Variants in PRSS3 observed in about 807,000 individuals in gnomAD.
PRSS3 encodes the protein serine protease 3.
A neutral mutation model predicts 20.8 loss-of-function variants in PRSS3; 14 were observed. The ratio of observed to expected loss-of-function variants is 0.67; its 90% CI spans 0.44 to 1.05. The LOEUF (loss-of-function observed/expected upper bound fraction) is 1.05, where lower values mean the gene tolerates loss of function less well. Among genes scored for constraint, PRSS3 ranks in the 50% least tolerant of loss-of-function variants. PRSS3 has a pLI of 0.00. For synonymous variants in PRSS3, 91 were observed against 117.6 expected (o/e 0.77, Z 1.46); for missense variants, 237 against 306.4 (o/e 0.77, Z 1.69).
intron 1 of PRSS3, among the ~76,000 whole-genome samples, chr9:33,777,531 CAAAA>C (rs74180503): frequency 2.9e-5 from 3 of 101,860 alleles, no homozygotes; most frequent in Middle Eastern, 6.3e-3. Context: ...CTAAAAATAC[CAAAA>C]AAAAAAAAAA....
intron 1 of PRSS3, among the ~76,000 whole-genome samples, chr9:33,752,681 G>A (rs570130728): frequency 9.9e-5 from 15 of 152,262 alleles, no homozygotes; most frequent in African/African-American, 3.4e-4. Flanking sequence ...CCCTCTCCCC[G>A]AAACCTTCAC....
At chr9:33,772,947 T>C (rs1460662527) in intron 1 of PRSS3, among the ~76,000 whole-genome samples, 1 of 152,192 alleles carries the variant, frequency 6.6e-6, no homozygotes, top group Non-Finnish European at 1.5e-5. Context: ...TCTGGACATC[T>C]CTTCTTTCAC....
At chr9:33,788,709 C>T (rs549150962) in intron 1 of PRSS3, among the ~76,000 whole-genome samples, 2 of 152,202 alleles carry the variant, frequency 1.3e-5, no homozygotes, top group Admixed American at 6.5e-5. Flanking sequence ...CCTCTCGGGG[C>T]CAAAACTTAA....
At chr9:33,769,540 G>A (rs1229309158) in intron 1 of PRSS3, among the ~76,000 whole-genome samples, 1 of 152,206 alleles carries the variant, frequency 6.6e-6, no homozygotes, top group African/African-American at 2.4e-5. Context: ...AGAAATGAAG[G>A]AAGATTCTCA....
At chr9:33,792,135 A>G (rs1305382141), upstream of PRSS3, among the ~76,000 whole-genome samples, 2 of 152,236 alleles carry the variant, frequency 1.3e-5, no homozygotes, top group Non-Finnish European at 2.9e-5. Context: ...CTTATTGGAT[A>G]AAGCGAAATT....
At chr9:33,771,272 G>A (rs1197422302) in intron 1 of PRSS3, among the ~76,000 whole-genome samples, 1 of 151,836 alleles carries the variant, frequency 6.6e-6, no homozygotes, top group East Asian at 1.9e-4. Flanking sequence ...TGTAGATGGG[G>A]CTGGGGAAGG....
rs34542469 is a variant in PRSS3, at chr9:33,766,962, A to AT, written c.-53+16248dup. ...TTATGGTATGTAAATTACATGGTGGATTTTTTTTTTTTTAAGTAGAAGAGT... is the reference window on the plus strand; with the variant it reads ...TTATGGTATGTAAATTACATGGTGGATTTTTTTTTTTTTTAAGTAGAAGAGT... On this transcript the variant is annotated intron_variant, in intron 1 of 5. Coordinates refer to the PRSS3 transcript ENST00000342836. Among the ~76,000 whole-genome samples, 295 of 148,100 alleles carry AT rather than the reference A, an allele frequency of 2.0e-3. 2 individuals are homozygous for AT. Among genetic ancestry groups the AT allele is most frequent in the African/African-American group, 5.2e-3 (212 of 40,528 alleles).
At chr9:33,762,817 T>G (rs1296821817) in intron 1 of PRSS3, among the ~76,000 whole-genome samples, 1 of 152,308 alleles carries the variant, frequency 6.6e-6, no homozygotes, top group African/African-American at 2.4e-5. Context: ...TCAAAATATA[T>G]TCTTCCAGGA....
At chr9:33,779,453 A>G (rs1419698511) in intron 1 of PRSS3, among the ~76,000 whole-genome samples, 1 of 152,214 alleles carries the variant, frequency 6.6e-6, no homozygotes, top group African/African-American at 2.4e-5. Context: ...ATTCTGCTGT[A>G]AATTCTGCTG....
At chr9:33,792,418 C>T (rs1023217396), upstream of PRSS3, among the ~76,000 whole-genome samples, 1 of 152,182 alleles carries the variant, frequency 6.6e-6, no homozygotes. Context: ...TGAAGAGGAA[C>T]AAACTTTGTC....
intron 1 of PRSS3, among the ~76,000 whole-genome samples, chr9:33,765,515 C>T (rs2178824): frequency 0.32 from 48,043 of 152,000 alleles, 8,532 homozygotes; most frequent in East Asian, 0.57. Flanking sequence ...GCCAGCATCG[C>T]TACTTTTTCA....
At chr9:33,787,499 T>C (rs1190625846) in intron 1 of PRSS3, among the ~76,000 whole-genome samples, 1 of 152,124 alleles carries the variant, frequency 6.6e-6, no homozygotes, top group Non-Finnish European at 1.5e-5. Context: ...GAGAAAGAGA[T>C]GCAATGCTTA....
chr9:33,751,379 G>C (rs1288104067), intron 1 of PRSS3, among the ~76,000 whole-genome samples: 1 of 152,328 alleles, frequency 6.6e-6, no homozygotes. Context: ...GGATGGAAGC[G>C]GATGTCAGGC....
rs550539048 is a variant in PRSS3, at chr9:33,761,668, T to A, written c.-53+10941T>A. ...TTGCCGTGAGCTGAGATCACGCCAT[T>A]GCACTCTAGCCTGGACAACAAGAGC... is the stretch of plus-strand genomic sequence containing the variant. On this transcript the variant is annotated intron_variant, in intron 1 of 5. Transcript: ENST00000342836. Among the ~76,000 whole-genome samples the A allele has an allele frequency of 1.6e-4, 25 of 152,124 alleles. No homozygotes were observed. In the East Asian group the frequency reaches 4.8e-3, roughly 29 times the overall value.
At chr9:33,755,501 T>C (rs1305079466) in intron 1 of PRSS3, among the ~76,000 whole-genome samples, 3 of 152,198 alleles carry the variant, frequency 2.0e-5, no homozygotes, top group African/African-American at 7.2e-5. Flanking sequence ...GATGACGGTT[T>C]GCTCCTTTAC....
intron 1 of PRSS3, among the ~76,000 whole-genome samples, chr9:33,776,722 A>G (rs1248537185): frequency 2.0e-5 from 3 of 152,184 alleles, no homozygotes; most frequent in Non-Finnish European, 2.9e-5. Context: ...TGTCAGAAGA[A>G]GGACACAGAA....
intron 1 of PRSS3, among the ~76,000 whole-genome samples, chr9:33,788,109 G>C (rs1824485796): frequency 6.6e-6 from 1 of 152,182 alleles, no homozygotes; most frequent in Non-Finnish European, 1.5e-5. Context: ...TTCTAGAAGG[G>C]ACTGGAACAG....
intron 1 of PRSS3, among the ~76,000 whole-genome samples, chr9:33,784,128 C>T (rs895801636): frequency 6.6e-6 from 1 of 151,890 alleles, no homozygotes; most frequent in Non-Finnish European, 1.5e-5. Flanking sequence ...AGAGAAAAAT[C>T]TAGAGACTAC....
upstream of PRSS3, among the ~76,000 whole-genome samples, chr9:33,795,111 TC>T (rs2119104967): frequency 6.6e-6 from 1 of 152,324 alleles, no homozygotes; most frequent in East Asian, 1.9e-4. Flanking sequence ...GATAAGACTT[TC>T]CTCCTCTCGT....
Sources: allele counts gnomAD v4.1 joint callset (sites outside exome capture counted in the v4.1 genomes callset), GRCh38; gene constraint gnomAD v4.1.1; transcripts MANE v1.5; gene names NCBI Gene and HGNC (gene_info 2026-07-23, HGNC 2026-07-21).